HMBOX1: variants seen among roughly 807,000 people sequenced by gnomAD.
HMBOX1 encodes homeobox containing 1, also known as homeobox-containing protein 1.
In HMBOX1, 14 loss-of-function variants were observed where a neutral mutation model predicts 54.5. The ratio of observed to expected loss-of-function variants is 0.26; its 90% CI spans 0.17 to 0.40. HMBOX1 has a LOEUF of 0.40. HMBOX1 is among the 10% of genes least tolerant of loss of function. The probability of loss-of-function intolerance (pLI) is 1.00; values close to 1 mark genes in which losing one functional copy is unlikely to be tolerated. For synonymous variants in HMBOX1, 160 were observed against 181.0 expected, an observed-to-expected ratio of 0.88 and a Z score of 0.93; for missense variants, 332 against 514.4, an observed-to-expected ratio of 0.65 and a Z score of 3.43.
chr8:29,049,143 G>A (rs1806058893), intron 9 of HMBOX1, 95 bp downstream of exon 9: 1 of 1,463,274 alleles, frequency 6.8e-7, no homozygotes, highest in East Asian at 2.3e-5. Flanking sequence ...TGGGGTGGGG[G>A]AGGGGAAACA....
intron 1 of HMBOX1, among the ~76,000 whole-genome samples, chr8:28,923,078 C>A (rs910521630): frequency 6.6e-6 from 1 of 152,100 alleles, no homozygotes; most frequent in African/African-American, 2.4e-5. Context: ...ACATTAAATA[C>A]ATTTACAGTG....
chr8:28,988,639 G>T (rs1458447150), intron 4 of HMBOX1, among the ~76,000 whole-genome samples: 1 of 152,138 alleles, frequency 6.6e-6, no homozygotes, highest in African/African-American at 2.4e-5. Context: ...CAGTTATAAT[G>T]ATCTCTCACT....
intron 1 of HMBOX1, among the ~76,000 whole-genome samples, chr8:28,892,950 A>G (rs1302797554): frequency 1.3e-5 from 2 of 152,202 alleles, no homozygotes; most frequent in Admixed American, 6.5e-5. Flanking sequence ...GCATATTATA[A>G]TAGTCATGGA....
At chr8:29,050,960 C>T in intron 9 of HMBOX1, 58 bp from the exon 10 acceptor site, 14 of 1,566,900 alleles carry the variant, frequency 8.9e-6, no homozygotes, top group Non-Finnish European at 1.2e-5. Context: ...GCATGTCTCT[C>T]TGTGACTAAA....
At chr8:28,991,776 T>C (rs1831016904) in intron 4 of HMBOX1, among the ~76,000 whole-genome samples, 1 of 152,230 alleles carries the variant, frequency 6.6e-6, no homozygotes. Context: ...GCTTTATCAT[T>C]AAGCTGAATC....
intron 1 of HMBOX1, among the ~76,000 whole-genome samples, chr8:28,917,687 G>A (rs1816807979): frequency 6.6e-6 from 1 of 152,046 alleles, no homozygotes; most frequent in South Asian, 2.1e-4. Context: ...GGGTTTTCAT[G>A]GATGCCATTT....
At chr8:28,951,219 A>G (rs535276606) in intron 1 of HMBOX1, among the ~76,000 whole-genome samples, 1 of 152,116 alleles carries the variant, frequency 6.6e-6, no homozygotes, top group Non-Finnish European at 1.5e-5. Context: ...TGCACCCTCC[A>G]CCTCCTGGGT....
chr8:28,935,013 A>G (rs1318138031), intron 1 of HMBOX1, among the ~76,000 whole-genome samples: 1 of 152,194 alleles, frequency 6.6e-6, no homozygotes, highest in East Asian at 1.9e-4. Flanking sequence ...AAGCACAATA[A>G]CATTGCCACT....
At chr8:28,946,583 T>A (rs74802102) in intron 1 of HMBOX1, among the ~76,000 whole-genome samples, 43 of 126,100 alleles carry the variant, frequency 3.4e-4, no homozygotes, top group Admixed American at 5.3e-4. Flanking sequence ...AAAAAAAAAA[T>A]ATATACAATT....
intron 1 of HMBOX1, among the ~76,000 whole-genome samples, chr8:28,900,831 A>G (rs760822868): frequency 7.9e-5 from 12 of 152,118 alleles, no homozygotes; most frequent in Non-Finnish European, 1.6e-4. Context: ...TTGGAATATC[A>G]GCCATCTCTT....
At chr8:28,946,243 G>A (rs1305608942) in intron 1 of HMBOX1, among the ~76,000 whole-genome samples, 3 of 151,752 alleles carry the variant, frequency 2.0e-5, no homozygotes, top group Non-Finnish European at 4.4e-5. Context: ...GTGAGCCACC[G>A]TGCCCGGCCC....
chr8:29,047,138 G>A (rs1334956066), intron 7 of HMBOX1, among the ~76,000 whole-genome samples: 1 of 152,160 alleles, frequency 6.6e-6, no homozygotes, highest in African/African-American at 2.4e-5. Flanking sequence ...GAAGCATGTT[G>A]TGTTACTAGT....
At chr8:28,928,607 C>T (rs1411347129) in intron 1 of HMBOX1, among the ~76,000 whole-genome samples, 1 of 152,146 alleles carries the variant, frequency 6.6e-6, no homozygotes, top group Non-Finnish European at 1.5e-5. Context: ...TGGAAACAAC[C>T]TAAGTTCTGT....
intron 3 of HMBOX1, among the ~76,000 whole-genome samples, chr8:28,977,558 TTTTG>T (rs754336952): frequency 2.6e-4 from 40 of 152,354 alleles, no homozygotes; most frequent in Middle Eastern, 3.4e-3. Context: ...TCAGCAGTTA[TTTTG>T]TTTGACTTTA....
chr8:29,016,462 G>A (rs1285807334), intron 5 of HMBOX1, among the ~76,000 whole-genome samples: 1 of 152,172 alleles, frequency 6.6e-6, no homozygotes, highest in African/African-American at 2.4e-5. Flanking sequence ...AACAACTGAG[G>A]ATGATTGTGA....
At chr8:28,982,102 G>A (rs533450384) in intron 4 of HMBOX1, among the ~76,000 whole-genome samples, 80 of 152,186 alleles carry the variant, frequency 5.3e-4, no homozygotes, top group Non-Finnish European at 1.1e-3. Context: ...GCGTGGTGGC[G>A]GGCGCCTGTA....
At chr8:29,040,147 T>A (rs1804607545) in intron 6 of HMBOX1, among the ~76,000 whole-genome samples, 1 of 152,236 alleles carries the variant, frequency 6.6e-6, no homozygotes, top group Non-Finnish European at 1.5e-5. Context: ...GAATTTAACA[T>A]GTTGTTTTAT....
At chr8:29,010,040 A>G (rs547991939) in intron 5 of HMBOX1, 3 of 984,644 alleles carry the variant, frequency 3.0e-6, no homozygotes, top group Non-Finnish European at 3.6e-6. Context: ...TGTCATAGAG[A>G]TGTATTTTTG....
Position 29,049,432 on chromosome 8 carries a change from AG to A in HMBOX1, c.1125+385del. The A allele has an allele frequency of 2.0e-6, 3 of 1,516,768 alleles. No homozygotes were observed. The Admixed American group carries it at 6.0e-5, about 30-fold the overall frequency. The allele number at this position is 1,516,768 out of a possible 1,614,324, so 94.0% of individuals were successfully genotyped here. Reference sequence around the variant, plus strand: ...ATTCACGACACACACTCAGTGTTTGAGAAATACTAGGGGCAGCTGGACCCCA... The same window carrying A: ...ATTCACGACACACACTCAGTGTTTGAAAATACTAGGGGCAGCTGGACCCCA... On this transcript the variant is annotated intron_variant, in intron 9 of 9. Transcript: ENST00000287701.
Sources: gnomAD v4.1 joint callset for allele counts (sites outside exome capture counted in the v4.1 genomes callset) on GRCh38, gnomAD v4.1.1 for gene constraint, MANE v1.5 for transcripts, NCBI Gene and HGNC (gene_info 2026-07-23, HGNC 2026-07-21) for gene names.